The following SLC9A9 variants were observed in gnomAD, a reference collection of about 807,000 sequenced individuals.
The protein encoded by SLC9A9 is solute carrier family 9 member A9.
A neutral mutation model predicts 77.8 loss-of-function variants in SLC9A9; 62 were observed. That is an observed-to-expected ratio of 0.80 (90% CI 0.65 to 0.98). The LOEUF (loss-of-function observed/expected upper bound fraction) is 0.98. SLC9A9 is among the 50% of genes least tolerant of loss of function. The pLI is 0.00. For synonymous variants in SLC9A9, 320 were observed against 283.5 expected, an observed-to-expected ratio of 1.13 and a Z score of -1.29; for missense variants, 775 against 774.9, an observed-to-expected ratio of 1.00 and a Z score of 0.00.
At chr3:143,606,432 C>CTATATATA (rs1287074508) in intron 6 of SLC9A9, among the ~76,000 whole-genome samples, 200 of 58,634 alleles carry the variant, frequency 3.4e-3, no homozygotes, top group South Asian at 5.8e-3. Flanking sequence ...CTCTCTCTCT[C>CTATATATA]TCTCTATATA....
intron 14 of SLC9A9, among the ~76,000 whole-genome samples, chr3:143,345,165 T>C (rs2032223273): frequency 6.6e-6 from 1 of 152,242 alleles, no homozygotes; most frequent in African/African-American, 2.4e-5. Flanking sequence ...TCCATCTATA[T>C]GACTGAAGTA....
intron 6 of SLC9A9, among the ~76,000 whole-genome samples, chr3:143,579,799 T>C (rs1462529177): frequency 1.3e-5 from 2 of 152,198 alleles, no homozygotes; most frequent in Non-Finnish European, 2.9e-5. Context: ...TGCCAATGAT[T>C]AGAGCATGTT....
At chr3:143,729,085 C>T (rs1489950010) in intron 4 of SLC9A9, among the ~76,000 whole-genome samples, 1 of 152,180 alleles carries the variant, frequency 6.6e-6, no homozygotes, top group African/African-American at 2.4e-5. Flanking sequence ...TCCACCCTCA[C>T]GCCTTATTCC....
chr3:143,711,261 C>A (rs1934186188), intron 4 of SLC9A9, among the ~76,000 whole-genome samples: 1 of 152,058 alleles, frequency 6.6e-6, no homozygotes, highest in Non-Finnish European at 1.5e-5. Context: ...GTAAAGTGAA[C>A]TTTTGTAATA....
chr3:143,825,890 A>T (rs911204659), intron 2 of SLC9A9, among the ~76,000 whole-genome samples: 6 of 118,048 alleles, frequency 5.1e-5, no homozygotes, highest in Admixed American at 1.0e-4. Flanking sequence ...TGAGTATTAT[A>T]AACACCTAAC....
intron 12 of SLC9A9, among the ~76,000 whole-genome samples, chr3:143,430,351 C>G (rs2034489908): frequency 6.6e-6 from 1 of 152,134 alleles, no homozygotes; most frequent in South Asian, 2.1e-4. Flanking sequence ...CCTCTTTTGA[C>G]AAAACAGAAG....
At chr3:143,532,480 T>A (rs1453486491) in intron 9 of SLC9A9, among the ~76,000 whole-genome samples, 2 of 152,222 alleles carry the variant, frequency 1.3e-5, no homozygotes, top group African/African-American at 2.4e-5. Context: ...TCAATGGATA[T>A]ATACTTCTAA....
chr3:143,689,373 G>T (rs1014210050), intron 5 of SLC9A9, among the ~76,000 whole-genome samples: 2 of 152,020 alleles, frequency 1.3e-5, no homozygotes, highest in African/African-American at 4.8e-5. Flanking sequence ...GGTACTCTTC[G>T]ACTACTAAAG....
intron 8 of SLC9A9, among the ~76,000 whole-genome samples, chr3:143,564,178 T>G (rs1010528713): frequency 1.6e-4 from 24 of 152,212 alleles, no homozygotes; most frequent in African/African-American, 5.1e-4. Flanking sequence ...CTTCTAATAT[T>G]TAAATTTTCT....
At chr3:143,438,602 G>C (rs1328562588) in intron 12 of SLC9A9, among the ~76,000 whole-genome samples, 2 of 152,178 alleles carry the variant, frequency 1.3e-5, no homozygotes, top group African/African-American at 4.8e-5. Context: ...TCCCATCCCA[G>C]ACAGTGGAAT....
chr3:143,709,713 T>C (rs1934089483), intron 4 of SLC9A9, among the ~76,000 whole-genome samples: 1 of 152,154 alleles, frequency 6.6e-6, no homozygotes, highest in African/African-American at 2.4e-5. Flanking sequence ...TGAATAGCAT[T>C]GTTACTGAAC....
chr3:143,727,102 G>A (rs1934673350), intron 4 of SLC9A9, among the ~76,000 whole-genome samples: 1 of 152,076 alleles, frequency 6.6e-6, no homozygotes, highest in Non-Finnish European at 1.5e-5. Context: ...AGCCTAAGTA[G>A]CACGACAAAA....
intron 8 of SLC9A9, among the ~76,000 whole-genome samples, chr3:143,561,504 A>G (rs2037083695): frequency 6.6e-6 from 1 of 152,208 alleles, no homozygotes; most frequent in African/African-American, 2.4e-5. Context: ...GGCCACTAAA[A>G]TAAAGAGCTG....
chr3:143,308,197 G>A (rs551968633), intron 14 of SLC9A9, among the ~76,000 whole-genome samples: 34 of 152,260 alleles, frequency 2.2e-4, no homozygotes, highest in Non-Finnish European at 4.3e-4. Context: ...GGCCTCTATT[G>A]ACACGTATAT....
chr3:143,492,115 A>AC (rs1429523422), intron 11 of SLC9A9, among the ~76,000 whole-genome samples: 1 of 151,608 alleles, frequency 6.6e-6, no homozygotes, highest in African/African-American at 2.4e-5. Context: ...ACACGGTGAA[A>AC]CCCCGTCTCT....
chr3:143,615,285 A>G (rs2038084375), intron 6 of SLC9A9, among the ~76,000 whole-genome samples: 1 of 152,230 alleles, frequency 6.6e-6, no homozygotes, highest in Admixed American at 6.5e-5. Flanking sequence ...GAGCCTTACA[A>G]CAAAGCCTAT....
chr3:143,698,432 G>T (rs1378443577), intron 4 of SLC9A9, among the ~76,000 whole-genome samples: 1 of 152,166 alleles, frequency 6.6e-6, no homozygotes. Context: ...TCACAGGATG[G>T]CAGTCATAAA....
At chr3:143,830,519 C>T (rs2009408399) in intron 2 of SLC9A9, among the ~76,000 whole-genome samples, 1 of 152,158 alleles carries the variant, frequency 6.6e-6, no homozygotes, top group Non-Finnish European at 1.5e-5. Flanking sequence ...TCTGGTCAGG[C>T]ATTTATTGGC....
intron 14 of SLC9A9, among the ~76,000 whole-genome samples, chr3:143,357,015 T>C (rs1472588199): frequency 6.6e-6 from 1 of 152,194 alleles, no homozygotes; most frequent in Non-Finnish European, 1.5e-5. Context: ...GCTGGGCTCC[T>C]CCCTACAGCC....
Sources: gnomAD v4.1 joint callset for allele counts (sites outside exome capture counted in the v4.1 genomes callset) on GRCh38, gnomAD v4.1.1 for gene constraint, MANE v1.5 for transcripts, NCBI Gene and HGNC (gene_info 2026-07-23, HGNC 2026-07-21) for gene names.